The following FAR2 variants were observed in gnomAD, a reference collection of about 807,000 sequenced individuals.
FAR2 encodes fatty acyl-CoA reductase 2.
A neutral mutation model predicts 56.0 loss-of-function variants in FAR2; 19 were observed. That is an observed-to-expected ratio of 0.34 (90% CI 0.24 to 0.50). The LOEUF is 0.50. FAR2 is among the 20% of genes least tolerant of loss of function. FAR2 has a pLI of 0.98. For missense variants in FAR2, 508 were observed against 642.2 expected, an observed-to-expected ratio of 0.79 and a Z score of 2.26; for synonymous variants, 219 against 218.8, an observed-to-expected ratio of 1.00 and a Z score of -0.01.
At chr12:29,193,633 T>A (rs1950120832) in intron 1 of FAR2, among the ~76,000 whole-genome samples, 2 of 152,212 alleles carry the variant, frequency 1.3e-5, no homozygotes, top group African/African-American at 2.4e-5. Flanking sequence ...CTACAGTTTG[T>A]TTATTCACTC....
chr12:29,332,605 C>A lies in FAR2; in HGVS notation c.1263C>A (p.Phe421Leu). The change falls in exon 11 of 12, where the codon TTC becomes TTA. Residue 421 changes from phenylalanine (F) to leucine (L), a missense_variant. Phe to Leu is a conservative substitution (Grantham distance 22, BLOSUM62 0). Coordinates refer to ENST00000536681, the MANE Select transcript of FAR2 (RefSeq NM_001271783.2). The part of the protein sequence containing the change: ...SELSPEDQRV[F>L]NFDVRQLNWL... ...TAATCTCTCTTGCCTCTCAGGTATT[C>A]AACTTTGACGTGCGCCAGTTGAACT... The A allele has an allele frequency of 6.2e-7, 1 of 1,613,584 alleles. No homozygotes were observed. The highest frequency in any genetic ancestry group is 8.5e-7 in the Non-Finnish European group (1 of 1,179,678).
At chr12:29,175,561 T>C (rs1382471919) in intron 1 of FAR2, among the ~76,000 whole-genome samples, 1 of 152,186 alleles carries the variant, frequency 6.6e-6, no homozygotes, top group Non-Finnish European at 1.5e-5. Context: ...GTGGCCAGCT[T>C]TTATTCCCTT....
intron 1 of FAR2, among the ~76,000 whole-genome samples, chr12:29,221,171 G>A (rs905782555): frequency 6.6e-6 from 1 of 152,124 alleles, no homozygotes; most frequent in Non-Finnish European, 1.5e-5. Context: ...CTCTTAGTGC[G>A]CATGCTCAAG....
intron 1 of FAR2, among the ~76,000 whole-genome samples, chr12:29,240,423 G>A (rs1447831463): frequency 1.3e-5 from 2 of 152,036 alleles, no homozygotes; most frequent in Admixed American, 6.6e-5. Context: ...AATGGCCGAC[G>A]CTGCTCCACT....
At chr12:29,193,184 A>G (rs1289227239) in intron 1 of FAR2, among the ~76,000 whole-genome samples, 1 of 152,040 alleles carries the variant, frequency 6.6e-6, no homozygotes, top group African/African-American at 2.4e-5. Context: ...CAGCCTCCCC[A>G]TTATCAATAT....
chr12:29,173,687 G>A (rs531474549), intron 1 of FAR2, among the ~76,000 whole-genome samples: 19 of 152,218 alleles, frequency 1.2e-4, no homozygotes, highest in East Asian at 1.2e-3. Flanking sequence ...AGGGTAAGCC[G>A]GTTGATACCT....
intron 1 of FAR2, among the ~76,000 whole-genome samples, chr12:29,227,968 C>A (rs187304306): frequency 3.3e-5 from 5 of 151,670 alleles, no homozygotes; most frequent in Admixed American, 6.6e-5. Flanking sequence ...ACATCACACA[C>A]TGGGGCCTAT....
chr12:29,322,721 A>G (rs754579155), intron 10 of FAR2, among the ~76,000 whole-genome samples: 1 of 152,222 alleles, frequency 6.6e-6, no homozygotes, highest in Non-Finnish European at 1.5e-5. Context: ...ACTAAGAAAC[A>G]ATTTTCTAAA....
chr12:29,321,957 A>C (rs774190580), intron 10 of FAR2, 33 bp downstream of exon 10: 1 of 1,585,540 alleles, frequency 6.3e-7, no homozygotes, highest in Admixed American at 1.8e-5. Flanking sequence ...CACCAGGAAA[A>C]TGCTACTCAC....
intron 5 of FAR2, among the ~76,000 whole-genome samples, chr12:29,308,960 A>G (rs2136785137): frequency 6.6e-6 from 1 of 152,214 alleles, no homozygotes; most frequent in Admixed American, 6.5e-5. Flanking sequence ...CTGCTAAGAA[A>G]AACAATCCTG....
Position 29,173,455 on chromosome 12 carries a change from A to C in FAR2, c.-39+24048A>C, listed in dbSNP as rs150844608. Among the ~76,000 whole-genome samples the C allele has an allele frequency of 8.4e-4, 128 of 152,260 alleles. 2 individuals carry two copies. In the East Asian group the frequency reaches 0.024, roughly 28 times the overall value. ...CATAGTTGTGGATTCTCCTTCAATG[A>C]AAGGAAAGCTTGGACATAAGGTATT... On this transcript the variant is annotated intron_variant, in intron 1 of 11. Transcript: ENST00000536681.
chr12:29,306,499 T>G (rs1949256154), intron 4 of FAR2, among the ~76,000 whole-genome samples: 1 of 152,156 alleles, frequency 6.6e-6, no homozygotes. Flanking sequence ...TTTTCTACAA[T>G]CAAAATAGTA....
chr12:29,256,796 G>A (rs571872821), intron 1 of FAR2, among the ~76,000 whole-genome samples: 60 of 152,336 alleles, frequency 3.9e-4, no homozygotes, highest in Admixed American at 7.8e-4. Flanking sequence ...GCCAGCTGCC[G>A]AGGAGGGTGT....
intron 1 of FAR2, among the ~76,000 whole-genome samples, chr12:29,208,591 G>GCGTTATTCA (rs1947504138): frequency 6.6e-6 from 1 of 152,050 alleles, no homozygotes; most frequent in Non-Finnish European, 1.5e-5. Context: ...GTGTAATTCT[G>GCGTTATTCA]CGTTATTCAG....
chr12:29,291,639 C>T (rs1948969617), intron 2 of FAR2: 1 of 339,030 alleles, frequency 2.9e-6, no homozygotes, highest in African/African-American at 2.2e-5. Context: ...CAGGAATATA[C>T]ATTTTAATTA....
intron 1 of FAR2, among the ~76,000 whole-genome samples, chr12:29,252,992 C>T (rs12822770): frequency 0.13 from 19,100 of 151,886 alleles, 1,393 homozygotes; most frequent in East Asian, 0.27. Flanking sequence ...TGTTGAAAGC[C>T]GTATGGAACA....
chr12:29,191,841 A>T (rs2136607920), intron 1 of FAR2, among the ~76,000 whole-genome samples: 1 of 152,344 alleles, frequency 6.6e-6, no homozygotes. Flanking sequence ...AGAATGAAGA[A>T]AGCTTGATTC....
intron 1 of FAR2, among the ~76,000 whole-genome samples, chr12:29,185,888 C>T (rs986418417): frequency 6.6e-6 from 1 of 152,156 alleles, no homozygotes; most frequent in South Asian, 2.1e-4. Context: ...CTCTCAACCT[C>T]CCCCTGCCCC....
intron 1 of FAR2, among the ~76,000 whole-genome samples, chr12:29,169,472 G>A (rs1383333457): frequency 2.0e-5 from 3 of 152,224 alleles, no homozygotes; most frequent in Non-Finnish European, 2.9e-5. Context: ...TAGCAAGATG[G>A]CAGTCACGGG....
Sources: allele counts gnomAD v4.1 joint callset (sites outside exome capture counted in the v4.1 genomes callset), GRCh38; gene constraint gnomAD v4.1.1; transcripts MANE v1.5; gene names NCBI Gene and HGNC (gene_info 2026-07-23, HGNC 2026-07-21).